Variants in DGKB observed in about 807,000 individuals in gnomAD.
The protein encoded by DGKB is 90 kDa diacylglycerol kinase.
DGKB carries 67 observed loss-of-function variants against 114.3 expected under a neutral mutation model. The observed-to-expected ratio is 0.59, with a 90% CI of 0.48 to 0.72. The LOEUF (loss-of-function observed/expected upper bound fraction) is 0.72, where lower values mean the gene tolerates loss of function less well. Ranked by LOEUF, DGKB falls within the 30% of genes least tolerant of loss-of-function variation. The pLI, the probability that DGKB is intolerant of heterozygous loss-of-function variation, is 0.00. For synonymous variants in DGKB, 398 were observed against 323.1 expected (o/e 1.23, Z -2.49); for missense variants, 907 against 975.2 (o/e 0.93, Z 0.93).
intron 4 of DGKB, among the ~76,000 whole-genome samples, chr7:14,748,270 G>C (rs1166759262): frequency 6.6e-6 from 1 of 151,984 alleles, no homozygotes; most frequent in African/African-American, 2.4e-5. Flanking sequence ...ACATTAATGT[G>C]CTCAATCTAC....
intron 18 of DGKB, among the ~76,000 whole-genome samples, chr7:14,582,635 GGAT>G (rs879745416): frequency 2.0e-5 from 3 of 152,076 alleles, no homozygotes; most frequent in African/African-American, 7.2e-5. Context: ...TGATGATGAT[GGAT>G]GATAACGATA....
intron 23 of DGKB, among the ~76,000 whole-genome samples, chr7:14,294,714 G>A (rs1440386321): frequency 2.6e-5 from 4 of 152,062 alleles, no homozygotes; most frequent in Non-Finnish European, 5.9e-5. Context: ...AATACATTTT[G>A]TTGCAACCTA....
At chr7:14,699,043 G>C (rs575185927) in intron 7 of DGKB, among the ~76,000 whole-genome samples, 2 of 151,948 alleles carry the variant, frequency 1.3e-5, no homozygotes, top group South Asian at 2.1e-4. Flanking sequence ...TCATGGAATA[G>C]AGAAGAAATA....
chr7:14,909,076 C>A (rs1783853472), intron 1 of DGKB, among the ~76,000 whole-genome samples: 1 of 152,142 alleles, frequency 6.6e-6, no homozygotes, highest in Non-Finnish European at 1.5e-5. Flanking sequence ...AAGGCTCATT[C>A]TAAGCCTCAA....
chr7:14,833,553 G>A (rs1006094225), intron 2 of DGKB, among the ~76,000 whole-genome samples: 2 of 152,072 alleles, frequency 1.3e-5, no homozygotes, highest in Admixed American at 1.3e-4. Flanking sequence ...TTCTTCTCAG[G>A]AGTGTATTCA....
chr7:14,729,276 CCA>C (rs1159814920), intron 5 of DGKB, among the ~76,000 whole-genome samples: 24 of 140,630 alleles, frequency 1.7e-4, no homozygotes, highest in Admixed American at 4.9e-4. Context: ...GCGCCTGCCA[CCA>C]CATCCGGCTA....
chr7:14,453,792 T>C (rs1180786324), intron 21 of DGKB, among the ~76,000 whole-genome samples: 1 of 152,100 alleles, frequency 6.6e-6, no homozygotes, highest in East Asian at 1.9e-4. Flanking sequence ...CAGCCAAAGA[T>C]AGCAGAAAAA....
At chr7:14,871,390 T>C (rs1336833450) in intron 1 of DGKB, among the ~76,000 whole-genome samples, 1 of 152,136 alleles carries the variant, frequency 6.6e-6, no homozygotes, top group Non-Finnish European at 1.5e-5. Flanking sequence ...GTTGACAAAA[T>C]GTGACGGGAA....
At chr7:14,802,022 C>T (rs1341051393) in intron 2 of DGKB, among the ~76,000 whole-genome samples, 1 of 151,844 alleles carries the variant, frequency 6.6e-6, no homozygotes, top group Non-Finnish European at 1.5e-5. Flanking sequence ...GAGAGAAACA[C>T]ACAAATATAT....
chr7:14,750,879 C>T (rs1435995111), intron 4 of DGKB, among the ~76,000 whole-genome samples: 2 of 136,790 alleles, frequency 1.5e-5, no homozygotes, highest in East Asian at 4.8e-4. Flanking sequence ...TCTCGGTTCA[C>T]TGCAACCTCC....
At chr7:14,920,657 C>T (rs988635944) in intron 1 of DGKB, among the ~76,000 whole-genome samples, 1 of 152,114 alleles carries the variant, frequency 6.6e-6, no homozygotes, top group African/African-American at 2.4e-5. Flanking sequence ...ATATACCCAA[C>T]TGAGTTGAAA....
chr7:14,485,630 G>A (rs1783688177), intron 20 of DGKB, among the ~76,000 whole-genome samples: 1 of 152,068 alleles, frequency 6.6e-6, no homozygotes, highest in South Asian at 2.1e-4. Context: ...CGGGTGCGGT[G>A]GCTCACGCCT....
At chr7:14,489,706 T>C (rs1446632539) in intron 20 of DGKB, among the ~76,000 whole-genome samples, 2 of 152,258 alleles carry the variant, frequency 1.3e-5, no homozygotes, top group African/African-American at 4.8e-5. Context: ...CAAAGCGGTA[T>C]GAGTGGTCAC....
intron 5 of DGKB, among the ~76,000 whole-genome samples, chr7:14,731,950 T>C (rs984590490): frequency 7.9e-5 from 12 of 152,126 alleles, no homozygotes; most frequent in Admixed American, 2.0e-4. Context: ...CATTTTTAAA[T>C]AGGTGATAAG....
intron 20 of DGKB, among the ~76,000 whole-genome samples, chr7:14,478,797 T>A (rs1031098691): frequency 1.6e-5 from 2 of 121,748 alleles, no homozygotes; most frequent in African/African-American, 5.6e-5. Flanking sequence ...CATAGCTCGT[T>A]GAATAGAAAA....
chr7:14,636,782 C>T (rs559749273), intron 13 of DGKB, among the ~76,000 whole-genome samples: 9 of 151,910 alleles, frequency 5.9e-5, no homozygotes, highest in Admixed American at 5.9e-4. Context: ...ATATTTGTCC[C>T]AAAATTGCTT....
intron 21 of DGKB, among the ~76,000 whole-genome samples, chr7:14,391,514 AAAAAAAT>A (rs1288388928): frequency 3.3e-5 from 5 of 151,818 alleles, no homozygotes; most frequent in African/African-American, 1.2e-4. Flanking sequence ...TACAAAAGAA[AAAAAAAT>A]AAAAAAAAAA....
At chr7:14,549,495 T>C (rs886676964) in intron 20 of DGKB, among the ~76,000 whole-genome samples, 10 of 152,290 alleles carry the variant, frequency 6.6e-5, no homozygotes, top group African/African-American at 2.4e-4. Context: ...TTTAATACTT[T>C]GTATTTTTTA....
chr7:14,462,142 C>T (rs1310486518), intron 21 of DGKB, among the ~76,000 whole-genome samples: 3 of 152,146 alleles, frequency 2.0e-5, no homozygotes, highest in Non-Finnish European at 1.5e-5. Flanking sequence ...AACCCACAGC[C>T]AATATCCTAC....
Sources: gnomAD v4.1 joint callset for allele counts (sites outside exome capture counted in the v4.1 genomes callset) on GRCh38, gnomAD v4.1.1 for gene constraint, MANE v1.5 for transcripts, NCBI Gene and HGNC (gene_info 2026-07-23, HGNC 2026-07-21) for gene names.